Variants in TOP1MT observed in about 807,000 individuals in gnomAD.
The protein encoded by TOP1MT is DNA topoisomerase I, mitochondrial.
A neutral mutation model predicts 73.9 loss-of-function variants in TOP1MT; 80 were observed. The observed-to-expected ratio is 1.08, with a 90% CI of 0.90 to 1.30. The LOEUF (loss-of-function observed/expected upper bound fraction) is 1.30, where lower values mean the gene tolerates loss of function less well. Ranked by LOEUF, TOP1MT falls within the 50% of genes most tolerant of loss-of-function variation. TOP1MT has a pLI of 0.00. For synonymous variants in TOP1MT, 338 were observed against 326.4 expected, an observed-to-expected ratio of 1.04 and a Z score of -0.38; for missense variants, 815 against 808.0, an observed-to-expected ratio of 1.01 and a Z score of -0.10.
chr8:143,330,573 G>GCA (rs1337610633), intron 2 of TOP1MT, among the ~76,000 whole-genome samples: 1 of 152,262 alleles, frequency 6.6e-6, no homozygotes, highest in Non-Finnish European at 1.5e-5. Context: ...GGTGGGAGGG[G>GCA]CACAGCATGG....
intron 1 of TOP1MT, among the ~76,000 whole-genome samples, chr8:143,333,372 C>T (rs1816911182): frequency 6.6e-6 from 1 of 152,150 alleles, no homozygotes; most frequent in Non-Finnish European, 1.5e-5. Context: ...TCACTTGAAC[C>T]CAGGAGGCAG....
At chr8:143,346,679 T>C (rs1039825087), upstream of TOP1MT, among the ~76,000 whole-genome samples, 30 of 152,204 alleles carry the variant, frequency 2.0e-4, no homozygotes, top group African/African-American at 7.2e-4. Flanking sequence ...CTGTAACAAA[T>C]AGCACAGACT....
rs547452300 is a variant in TOP1MT, at chr8:143,321,463, G to A, written c.961-77C>T. 40 of 978,148 alleles carry A rather than the reference G, an allele frequency of 4.1e-5. 2 individuals are homozygous for A. Among genetic ancestry groups the A allele is most frequent in the African/African-American group, 8.0e-5 (4 of 50,192 alleles). 60.6% of individuals were successfully genotyped at this position (978,148 alleles called of 1,614,324 possible). ...ACACACGCACGCCACACACACGCAC[G>A]CCACACACGCACGCCACACGCACGC... is the stretch of plus-strand genomic sequence containing the variant. On this transcript the variant is annotated intron_variant, in intron 7 of 13. Transcript: ENST00000329245.
Position 143,316,681 on chromosome 8 carries a change from C to T in TOP1MT, c.1331-555G>A, listed in dbSNP as rs188511713. On this transcript the variant is annotated intron_variant, in intron 10 of 13. Coordinates refer to ENST00000329245, the MANE Select transcript of TOP1MT (RefSeq NM_052963.3). Reference sequence around the variant, plus strand: ...GCACCCGGCTTCCCCTGGCGACATCCCCTCAAGGTACCACGTTGTCTCCAT... The same window carrying T: ...GCACCCGGCTTCCCCTGGCGACATCTCCTCAAGGTACCACGTTGTCTCCAT... Among the ~76,000 whole-genome samples, 7 of 152,036 alleles carry T rather than the reference C, an allele frequency of 4.6e-5. No homozygotes were observed. In the East Asian group the frequency reaches 1.2e-3, roughly 26 times the overall value.
At chr8:143,327,997 A>G (rs1197309925) in intron 3 of TOP1MT, among the ~76,000 whole-genome samples, 1 of 152,250 alleles carries the variant, frequency 6.6e-6, no homozygotes, top group African/African-American at 2.4e-5. Flanking sequence ...TGCCGAATTC[A>G]GCAGATTTCT....
chr8:143,323,121 CCA>C (rs1207719738), intron 7 of TOP1MT, among the ~76,000 whole-genome samples: 22 of 140,196 alleles, frequency 1.6e-4, no homozygotes, highest in African/African-American at 3.1e-4. Context: ...CACATGCACG[CCA>C]CACACACAGG....
upstream of TOP1MT, among the ~76,000 whole-genome samples, chr8:143,348,678 G>T (rs1293749682): frequency 2.6e-5 from 4 of 152,184 alleles, no homozygotes; most frequent in Non-Finnish European, 5.9e-5. This position sits in a 1 kb window ranked among gnomAD's most constrained non-coding sequence, Gnocchi z 4.6. Context: ...TTTCCTCCAG[G>T]TGGTGACAGG....
At chr8:143,317,288 C>G (rs113843776) in intron 10 of TOP1MT, among the ~76,000 whole-genome samples, 1,693 of 152,218 alleles carry the variant, frequency 0.011, 40 homozygotes, top group African/African-American at 0.038. Flanking sequence ...TGGCAGGGGA[C>G]AAAGAGCAGA....
chr8:143,330,151 C>A (rs1482710474), intron 2 of TOP1MT, among the ~76,000 whole-genome samples: 1 of 152,258 alleles, frequency 6.6e-6, no homozygotes, highest in Non-Finnish European at 1.5e-5. Flanking sequence ...GGACAGAGGA[C>A]GAGAGGCCCA....
chr8:143,324,658 C>G lies in TOP1MT; in HGVS notation c.672-29G>C, dbSNP rs755870554. On this transcript the variant is annotated intron_variant, in intron 5 of 13. Transcript: ENST00000329245. ...CAGCAGAACAACGACCCAAACATAA[C>G]TTGGAGACCTTATTCTCTGGAATGC... 3.1e-6 allele frequency: 5 copies of G among 1,608,068 alleles called. No individual in the cohort carries two copies. In the South Asian group the frequency reaches 5.5e-5, roughly 18 times the overall value.
intron 2 of TOP1MT, among the ~76,000 whole-genome samples, chr8:143,342,014 TTATTA>T (rs1462467541): frequency 1.3e-5 from 2 of 150,266 alleles, no homozygotes. Context: ...TCTCGCTCTG[TTATTA>T]TATTAGAGAC....
At chr8:143,338,191 A>G (rs1443758520), upstream of TOP1MT, among the ~76,000 whole-genome samples, 1 of 152,104 alleles carries the variant, frequency 6.6e-6, no homozygotes, top group East Asian at 1.9e-4. Flanking sequence ...GGATTGCTTG[A>G]ACCCAGGAGT....
At chr8:143,321,577 CAG>C (rs1431412206) in intron 7 of TOP1MT, among the ~76,000 whole-genome samples, 191 bp from the exon 8 acceptor site, 1 of 103,778 alleles carries the variant, frequency 9.6e-6, no homozygotes, top group Non-Finnish European at 2.1e-5. Context: ...GCACGCCACA[CAG>C]GCACGCCACA....
intron 7 of TOP1MT, among the ~76,000 whole-genome samples, chr8:143,322,117 CCACA>C (rs1288966566): frequency 3.6e-5 from 4 of 112,554 alleles, no homozygotes; most frequent in African/African-American, 1.4e-4. Context: ...CACATGCACG[CCACA>C]CACACAGGCA....
upstream of TOP1MT, among the ~76,000 whole-genome samples, chr8:143,358,823 C>T (rs1308616510): frequency 2.6e-5 from 4 of 152,098 alleles, no homozygotes; most frequent in Admixed American, 2.0e-4. Flanking sequence ...GAGAGGCAAC[C>T]GGCCACGAGC....
chr8:143,339,599 C>T (rs368118586), upstream of TOP1MT, among the ~76,000 whole-genome samples: 11 of 152,204 alleles, frequency 7.2e-5, no homozygotes, highest in African/African-American at 2.7e-4. Flanking sequence ...TCAAAGCTGC[C>T]GATGCAAGAG....
intron 12 of TOP1MT, among the ~76,000 whole-genome samples, chr8:143,312,281 T>C (rs1394242914): frequency 6.6e-6 from 1 of 152,174 alleles, no homozygotes; most frequent in East Asian, 1.9e-4. Flanking sequence ...AAGAAAACTA[T>C]AGACTAACAT....
At chr8:143,328,341 C>T (rs1166042051) in intron 3 of TOP1MT, 6 of 442,190 alleles carry the variant, frequency 1.4e-5, no homozygotes, top group Non-Finnish European at 2.3e-5. Context: ...GTTTTTAAAA[C>T]TCCGATAAAT....
chr8:143,358,880 A>G (rs1817456702), upstream of TOP1MT, among the ~76,000 whole-genome samples: 1 of 152,176 alleles, frequency 6.6e-6, no homozygotes, highest in Non-Finnish European at 1.5e-5. Context: ...TCCTGACCCC[A>G]TTACTACGCA....
Sources: allele counts gnomAD v4.1 joint callset (sites outside exome capture counted in the v4.1 genomes callset), GRCh38; gene constraint gnomAD v4.1.1; non-coding constraint Gnocchi (gnomAD v3.1); transcripts MANE v1.5; gene names NCBI Gene and HGNC (gene_info 2026-07-23, HGNC 2026-07-21).